Variants in KIAA0825 observed in about 807,000 individuals in gnomAD.
The protein encoded by KIAA0825 is KIAA0825.
Under a neutral mutation model 147.6 loss-of-function variants are expected in KIAA0825, and 119 were observed. The observed-to-expected ratio is 0.81, with a 90% CI of 0.69 to 0.94. KIAA0825 has a LOEUF of 0.94. KIAA0825 is among the 40% of genes least tolerant of loss of function. The pLI is 0.00. For missense variants in KIAA0825, 1,381 were observed against 1,472.7 expected, an observed-to-expected ratio of 0.94 and a Z score of 1.02; for synonymous variants, 470 against 518.1, an observed-to-expected ratio of 0.91 and a Z score of 1.26.
chr5:94,202,994 A>G (rs539616748), intron 20 of KIAA0825, among the ~76,000 whole-genome samples: 1 of 152,208 alleles, frequency 6.6e-6, no homozygotes, highest in Non-Finnish European at 1.5e-5. Flanking sequence ...CTGTACCCCT[A>G]TCTGTCCTCA....
intron 20 of KIAA0825, among the ~76,000 whole-genome samples, chr5:94,339,942 C>A (rs748016539): frequency 2.6e-5 from 4 of 152,158 alleles, no homozygotes; most frequent in African/African-American, 9.7e-5. Context: ...ACCAATCTTA[C>A]TTTCTTCAAT....
intron 20 of KIAA0825, among the ~76,000 whole-genome samples, chr5:94,382,053 T>C (rs1748486265): frequency 1.3e-5 from 2 of 152,168 alleles, no homozygotes; most frequent in African/African-American, 4.8e-5. Context: ...GAATGTAGTA[T>C]AGAGATAGAC....
At chr5:94,579,172 G>A (rs944151036) in intron 2 of KIAA0825, among the ~76,000 whole-genome samples, 13 of 152,098 alleles carry the variant, frequency 8.5e-5, no homozygotes, top group Admixed American at 5.9e-4. Context: ...TGCCCACCTC[G>A]GCCTCCCAAA....
intron 20 of KIAA0825, among the ~76,000 whole-genome samples, chr5:94,329,250 T>C (rs1285253893): frequency 6.6e-6 from 1 of 152,038 alleles, no homozygotes; most frequent in Non-Finnish European, 1.5e-5. Flanking sequence ...TGGAAAGCAC[T>C]GAAAGCGATC....
intron 20 of KIAA0825, among the ~76,000 whole-genome samples, chr5:94,363,310 G>T (rs1478349789): frequency 6.6e-6 from 1 of 151,774 alleles, no homozygotes; most frequent in Non-Finnish European, 1.5e-5. Flanking sequence ...CTCTTTGTGG[G>T]TTTAGAAAAC....
At chr5:94,312,291 C>T (rs540240127) in intron 20 of KIAA0825, among the ~76,000 whole-genome samples, 1 of 151,632 alleles carries the variant, frequency 6.6e-6, no homozygotes, top group African/African-American at 2.4e-5. Flanking sequence ...ATTTAAAATT[C>T]ACATTGGTGA....
chr5:94,256,498 ATGCT>A (rs1421751879), intron 20 of KIAA0825, among the ~76,000 whole-genome samples: 2 of 152,198 alleles, frequency 1.3e-5, no homozygotes. Flanking sequence ...AAATCATGTA[ATGCT>A]TATTCTCAGG....
rs148090931 is a variant in KIAA0825, at chr5:94,170,116, G to A, written c.3711-15992C>T. On this transcript the variant is annotated intron_variant, in intron 20 of 20. Coordinates refer to ENST00000682413, the MANE Select transcript of KIAA0825 (RefSeq NM_001145678.3). ...AGATCAAGACCATCCTGGCTAACACGGTGAAACCCCGTCTCTACTAAAAAT... is the reference window on the plus strand; with the variant it reads ...AGATCAAGACCATCCTGGCTAACACAGTGAAACCCCGTCTCTACTAAAAAT... Among the ~76,000 whole-genome samples the A allele has an allele frequency of 1.0e-2, 1,520 of 152,180 alleles. 17 individuals are homozygous for A. The highest frequency in any genetic ancestry group is 0.016 in the Non-Finnish European group (1,081 of 67,988).
chr5:94,286,001 A>AATGATGAAAACTAT (rs1222538476), intron 20 of KIAA0825, among the ~76,000 whole-genome samples: 1 of 152,194 alleles, frequency 6.6e-6, no homozygotes, highest in East Asian at 1.9e-4. Flanking sequence ...AGCAATTCAG[A>AATGATGAAAACTAT]AAGCAATGAT....
At chr5:94,612,862 A>AAAAAC (rs754981795) in intron 1 of KIAA0825, among the ~76,000 whole-genome samples, 1 of 152,224 alleles carries the variant, frequency 6.6e-6, no homozygotes, top group Non-Finnish European at 1.5e-5. Flanking sequence ...TGAGTTTATT[A>AAAAAC]AAAACAAAAC....
chr5:94,354,939 T>C (rs1784088464), intron 20 of KIAA0825, among the ~76,000 whole-genome samples: 1 of 152,194 alleles, frequency 6.6e-6, no homozygotes, highest in African/African-American at 2.4e-5. Context: ...CTTGTTTTTA[T>C]ATATTTTAGG....
intron 1 of KIAA0825, among the ~76,000 whole-genome samples, chr5:94,603,075 C>A (rs1031149254): frequency 3.9e-5 from 6 of 152,108 alleles, no homozygotes; most frequent in Admixed American, 3.9e-4. Flanking sequence ...GATCTACCTG[C>A]CTCGGCTTCC....
intron 5 of KIAA0825, among the ~76,000 whole-genome samples, chr5:94,515,791 C>CAAAAAAAAA (rs754577018): frequency 2.1e-5 from 2 of 93,648 alleles, no homozygotes; most frequent in African/African-American, 8.4e-5. Context: ...GACTCTGTCT[C>CAAAAAAAAA]AAAAAAAAAA....
chr5:94,615,125 C>G (rs1300825893), intron 1 of KIAA0825, among the ~76,000 whole-genome samples: 1 of 148,276 alleles, frequency 6.7e-6, no homozygotes, highest in Non-Finnish European at 1.5e-5. Flanking sequence ...ATTGCAAAAA[C>G]ATGATTGTGT....
At chr5:94,602,514 C>G (rs1455646649) in intron 1 of KIAA0825, among the ~76,000 whole-genome samples, 1 of 152,126 alleles carries the variant, frequency 6.6e-6, no homozygotes, top group Non-Finnish European at 1.5e-5. Context: ...GTAATCCCAA[C>G]GTGTTGTTGA....
At position 94,299,917 on chromosome 5, in the gene KIAA0825, A is replaced by ATT. The variant is rs11417963; in HGVS notation, c.3710+84449_3710+84450dup. The stretch of plus-strand genomic sequence containing the variant: ...AAAGAAATAAAAACATCTTTCTTAG[A>ATT]TTTTTTTATAGACAATTGACCAATA... On this transcript the variant is annotated intron_variant, in intron 20 of 20. Transcript: ENST00000682413. Among the ~76,000 whole-genome samples the ATT allele has an allele frequency of 2.3e-3, 344 of 151,964 alleles. 1 individual carries two copies. Among genetic ancestry groups the ATT allele is most frequent in the Middle Eastern group, 6.8e-3 (2 of 292 alleles).
rs1764036423 is a variant in KIAA0825 at position 94,493,957 on chromosome 5, G to A, written c.971-9027C>T. Among the ~76,000 whole-genome samples the A allele has an allele frequency of 2.6e-5, 4 of 152,126 alleles. No individual in the cohort carries two copies. In the South Asian group the frequency reaches 8.3e-4, roughly 32 times the overall value. ...ACCCACTGAAAGGCCCCACGTGACA[G>A]GGAGGTTTTCTATTTCCTTTGGAGG... On this transcript the variant is annotated intron_variant, in intron 5 of 20. Coordinates refer to ENST00000682413, the MANE Select transcript of KIAA0825 (RefSeq NM_001145678.3).
At position 94,391,592 on chromosome 5, in the gene KIAA0825, G is replaced by C; in HGVS notation, c.3399C>G (p.His1133Gln). Residue 1133 changes from histidine (H) to glutamine (Q), a missense_variant, in exon 18 of 21, where the codon CAC (histidine) becomes CAG (glutamine). By Grantham distance (24) the His-to-Gln change is conservative. Coordinates refer to ENST00000682413, the MANE Select transcript of KIAA0825 (RefSeq NM_001145678.3). ...TCAGGTACTCCCTGCCACCTGGTTT[G>C]TGGCAGAGATCCAGGACCATCGTGT... ...KINTMVLDLC[H>Q]KPGGREYLRQ... is the part of the protein sequence containing the mutation. 1 of 1,551,646 alleles carries C rather than the reference G, an allele frequency of 6.4e-7. No homozygotes were observed. Among genetic ancestry groups the C allele is most frequent in the South Asian group, 1.2e-5 (1 of 84,058 alleles).
intron 17 of KIAA0825, among the ~76,000 whole-genome samples, chr5:94,393,507 ACCATTT>A (rs935167584): frequency 1.3e-5 from 2 of 152,212 alleles, no homozygotes; most frequent in African/African-American, 4.8e-5. Context: ...AGTTATTTTC[ACCATTT>A]CCATAAAATC....
Sources: allele counts gnomAD v4.1 joint callset (sites outside exome capture counted in the v4.1 genomes callset), GRCh38; gene constraint gnomAD v4.1.1; transcripts MANE v1.5; gene names NCBI Gene and HGNC (gene_info 2026-07-23, HGNC 2026-07-21).